CCBE1: variants seen among roughly 807,000 people sequenced by gnomAD.
The protein encoded by CCBE1 is collagen and calcium binding EGF domains 1.
A neutral mutation model predicts 50.0 loss-of-function variants in CCBE1; 37 were observed. The observed-to-expected ratio is 0.74, with a 90% CI of 0.57 to 0.97. The LOEUF (loss-of-function observed/expected upper bound fraction) is 0.97, where lower values mean the gene tolerates loss of function less well. CCBE1 is among the 50% of genes least tolerant of loss of function. The pLI, the probability that CCBE1 is intolerant of heterozygous loss-of-function variation, is 0.00. For missense variants in CCBE1, 538 were observed against 523.8 expected (o/e 1.03, Z -0.26); for synonymous variants, 234 against 203.7 (o/e 1.15, Z -1.27).
chr18:59,493,275 T>G (rs185060741), intron 2 of CCBE1, among the ~76,000 whole-genome samples: 126 of 152,294 alleles, frequency 8.3e-4, no homozygotes, highest in Admixed American at 2.4e-3. Flanking sequence ...TCAAGGACAA[T>G]GAAATACAAT....
intron 3 of CCBE1, among the ~76,000 whole-genome samples, chr18:59,475,545 C>G (rs1310877546): frequency 6.6e-6 from 1 of 152,056 alleles, no homozygotes; most frequent in Non-Finnish European, 1.5e-5. Flanking sequence ...TTACCTCTTG[C>G]AATGTCCTTT....
At chr18:59,590,815 A>G (rs1342674797) in intron 2 of CCBE1, among the ~76,000 whole-genome samples, 1 of 152,244 alleles carries the variant, frequency 6.6e-6, no homozygotes, top group Non-Finnish European at 1.5e-5. Flanking sequence ...GTCCATTAGT[A>G]AAAAGATAAA....
At chr18:59,516,464 G>A (rs1363266444) in intron 2 of CCBE1, among the ~76,000 whole-genome samples, 2 of 152,222 alleles carry the variant, frequency 1.3e-5, no homozygotes, top group East Asian at 3.8e-4. Flanking sequence ...GTGGCCGATA[G>A]TAGCTGCCAG....
At chr18:59,455,139 G>A in intron 5 of CCBE1, 188 bp from the exon 6 acceptor site, 1 of 679,894 alleles carries the variant, frequency 1.5e-6, no homozygotes, top group East Asian at 2.8e-5. Context: ...AAGAGGGGAG[G>A]ACAGAGGGAG....
chr18:59,519,852 G>A (rs1035584094), intron 2 of CCBE1, among the ~76,000 whole-genome samples: 1 of 152,174 alleles, frequency 6.6e-6, no homozygotes, highest in Non-Finnish European at 1.5e-5. Context: ...TTTTGTATAA[G>A]GTGTAAGGAA....
chr18:59,500,194 T>A (rs530243940), intron 2 of CCBE1, among the ~76,000 whole-genome samples: 53 of 152,254 alleles, frequency 3.5e-4, no homozygotes, highest in African/African-American at 1.2e-3. Flanking sequence ...TGCAGTTGTG[T>A]TGATATATGC....
chr18:59,691,213 G>C (rs2054726715), intron 2 of CCBE1, among the ~76,000 whole-genome samples: 1 of 152,214 alleles, frequency 6.6e-6, no homozygotes, highest in Non-Finnish European at 1.5e-5. Flanking sequence ...CAGGCATGGA[G>C]CTAGCCTCTG....
At chr18:59,516,044 C>T (rs56374412) in intron 2 of CCBE1, among the ~76,000 whole-genome samples, 51,348 of 151,926 alleles carry the variant, frequency 0.34, 9,483 homozygotes, top group Middle Eastern at 0.47. Context: ...CTGAAACCTC[C>T]GCCTCCTGGG....
intron 2 of CCBE1, among the ~76,000 whole-genome samples, chr18:59,671,499 GAAAAAAA>G (rs56009778): frequency 8.3e-6 from 1 of 121,080 alleles, no homozygotes; most frequent in Non-Finnish European, 1.8e-5. Context: ...CCTTGTCTCA[GAAAAAAA>G]AAAAAAAAAA....
chr18:59,630,966 T>C (rs1209372380), intron 2 of CCBE1, among the ~76,000 whole-genome samples: 1 of 152,158 alleles, frequency 6.6e-6, no homozygotes, highest in African/African-American at 2.4e-5. Context: ...ACATATACAA[T>C]GGCCAAGGTC....
intron 2 of CCBE1, chr18:59,563,996 A>C (rs1292205521): frequency 3.3e-5 from 5 of 152,170 alleles, no homozygotes; most frequent in African/African-American, 1.2e-4. Flanking sequence ...ACCTATGCTG[A>C]GTAGAAAGTT....
At chr18:59,528,256 T>C (rs373269987) in intron 2 of CCBE1, among the ~76,000 whole-genome samples, 2 of 152,218 alleles carry the variant, frequency 1.3e-5, no homozygotes, top group African/African-American at 4.8e-5. Flanking sequence ...TTCTTTCCTC[T>C]GTTTGGTCTA....
intron 2 of CCBE1, among the ~76,000 whole-genome samples, chr18:59,522,651 T>C (rs1914647808): frequency 6.6e-6 from 1 of 152,126 alleles, no homozygotes; most frequent in South Asian, 2.1e-4. Flanking sequence ...CATGAAGACA[T>C]GGGGAGAATA....
intron 4 of CCBE1, 135 bp downstream of exon 4, chr18:59,469,338 G>T (rs1911909775): frequency 2.4e-6 from 3 of 1,230,588 alleles, no homozygotes; most frequent in Non-Finnish European, 2.4e-6. Flanking sequence ...GAAGGGCAGT[G>T]ATAAGCTATC....
intron 2 of CCBE1, among the ~76,000 whole-genome samples, chr18:59,594,040 G>T (rs977833385): frequency 6.6e-5 from 10 of 152,218 alleles, no homozygotes; most frequent in African/African-American, 2.4e-4. Flanking sequence ...CAGAAGTCTA[G>T]ATGAAGGTAC....
chr18:59,467,247 T>C (rs1488094030), intron 4 of CCBE1, among the ~76,000 whole-genome samples: 2 of 152,142 alleles, frequency 1.3e-5, no homozygotes, highest in Admixed American at 6.5e-5. Context: ...GACAATGAGA[T>C]CACCAGTGAC....
intron 2 of CCBE1, among the ~76,000 whole-genome samples, chr18:59,534,326 G>A (rs1915162985): frequency 6.6e-6 from 1 of 152,094 alleles, no homozygotes; most frequent in South Asian, 2.1e-4. Flanking sequence ...AATCTGTAAG[G>A]CCCTGAGGTT....
At chr18:59,526,110 G>A (rs1280036292) in intron 2 of CCBE1, among the ~76,000 whole-genome samples, 1 of 152,012 alleles carries the variant, frequency 6.6e-6, no homozygotes, top group African/African-American at 2.4e-5. Flanking sequence ...AGTTTTTCTG[G>A]TTCTGTGAAG....
At chr18:59,566,068 A>G (rs1237979319) in intron 2 of CCBE1, among the ~76,000 whole-genome samples, 1 of 152,210 alleles carries the variant, frequency 6.6e-6, no homozygotes, top group Non-Finnish European at 1.5e-5. Context: ...AGAAAAAGCC[A>G]TATCTGGTAA....
Sources: allele counts gnomAD v4.1 joint callset (sites outside exome capture counted in the v4.1 genomes callset), GRCh38; gene constraint gnomAD v4.1.1; transcripts MANE v1.5; gene names NCBI Gene and HGNC (gene_info 2026-07-23, HGNC 2026-07-21).